PCDH15: variants seen among roughly 807,000 people sequenced by gnomAD.
The protein encoded by PCDH15 is protocadherin-15.
Under a neutral mutation model 178.5 loss-of-function variants are expected in PCDH15, and 129 were observed. That is an observed-to-expected ratio of 0.72 (90% CI 0.63 to 0.84). PCDH15 has a LOEUF of 0.84. Among genes scored for constraint, PCDH15 ranks in the 40% least tolerant of loss-of-function variants. The pLI is 0.00. For synonymous variants in PCDH15, 800 were observed against 732.0 expected (o/e 1.09, Z -1.50); for missense variants, 2,230 against 2,099.9 (o/e 1.06, Z -1.21).
chr10:55,429,601 G>T (rs527831518), intron 2 of PCDH15, among the ~76,000 whole-genome samples: 1 of 152,188 alleles, frequency 6.6e-6, no homozygotes, highest in East Asian at 1.9e-4. Context: ...ACTGCAATAT[G>T]GCTAAATAGG....
chr10:55,068,007 A>G (rs913200743), intron 2 of PCDH15, among the ~76,000 whole-genome samples: 2 of 152,002 alleles, frequency 1.3e-5, no homozygotes, highest in Non-Finnish European at 2.9e-5. Context: ...TAAAATAGGT[A>G]GTTTCAAAAT....
chr10:55,402,409 A>C (rs756057465), intron 2 of PCDH15, among the ~76,000 whole-genome samples: 2 of 151,976 alleles, frequency 1.3e-5, no homozygotes, highest in African/African-American at 4.8e-5. Flanking sequence ...TGAAACATAC[A>C]ATATGTTGTT....
At chr10:54,367,158 A>G (rs1218109554) in intron 5 of PCDH15, among the ~76,000 whole-genome samples, 1 of 152,054 alleles carries the variant, frequency 6.6e-6, no homozygotes, top group Non-Finnish European at 1.5e-5. Flanking sequence ...AGAAAGGGAG[A>G]TATTTATGAG....
intron 1 of PCDH15, among the ~76,000 whole-genome samples, chr10:55,174,565 C>A (rs1839427254): frequency 6.6e-6 from 1 of 152,162 alleles, no homozygotes; most frequent in Non-Finnish European, 1.5e-5. Context: ...GCATGATATT[C>A]CAAAGCTTTG....
At chr10:54,215,414 G>A (rs2051908308) in intron 9 of PCDH15, among the ~76,000 whole-genome samples, 2 of 152,110 alleles carry the variant, frequency 1.3e-5, no homozygotes, top group African/African-American at 4.8e-5. Context: ...CAAAATTATA[G>A]ATGAAATGCA....
At chr10:55,391,029 TTTGAAGCTTTCCAGCCAGGCA>T (rs1294126848) in intron 2 of PCDH15, among the ~76,000 whole-genome samples, 1 of 152,196 alleles carries the variant, frequency 6.6e-6, no homozygotes, top group African/African-American at 2.4e-5. Flanking sequence ...CAGCCTATCC[TTTGAAGCTTTCCAGCCAGGCA>T]TTGACTTCTC....
intron 23 of PCDH15, among the ~76,000 whole-genome samples, chr10:53,954,814 T>C (rs1318138040): frequency 6.6e-6 from 1 of 152,234 alleles, no homozygotes; most frequent in African/African-American, 2.4e-5. Context: ...ATTCTCTTGA[T>C]ATTTTAAGAA....
intron 28 of PCDH15, among the ~76,000 whole-genome samples, chr10:53,851,719 TA>T (rs1564611390): frequency 3.4e-4 from 33 of 96,362 alleles, no homozygotes; most frequent in Non-Finnish European, 6.9e-4. Flanking sequence ...TATATATATA[TA>T]TATTTACACA....
chr10:54,127,887 CT>C (rs1433105517), intron 15 of PCDH15, among the ~76,000 whole-genome samples: 1 of 152,068 alleles, frequency 6.6e-6, no homozygotes, highest in African/African-American at 2.4e-5. Flanking sequence ...GCAAAACTGT[CT>C]CATTTTAATT....
intron 2 of PCDH15, among the ~76,000 whole-genome samples, chr10:54,928,594 C>T (rs567304987): frequency 1.1e-4 from 17 of 152,242 alleles, no homozygotes; most frequent in Non-Finnish European, 2.1e-4. Flanking sequence ...TAGATTTGGT[C>T]TCTACATAAT....
intron 3 of PCDH15, among the ~76,000 whole-genome samples, chr10:54,524,052 G>T (rs1343391317): frequency 6.6e-6 from 1 of 152,122 alleles, no homozygotes; most frequent in Non-Finnish European, 1.5e-5. Flanking sequence ...GAACTTTGGT[G>T]CTTCCTCCCC....
chr10:55,084,865 T>C (rs184481424), intron 2 of PCDH15, among the ~76,000 whole-genome samples: 37 of 151,760 alleles, frequency 2.4e-4, no homozygotes, highest in African/African-American at 8.9e-4. Flanking sequence ...CAAATGAAAA[T>C]TACAAAGGTA....
chr10:54,631,375 G>A (rs914349448), intron 2 of PCDH15, among the ~76,000 whole-genome samples: 1 of 152,032 alleles, frequency 6.6e-6, no homozygotes, highest in Non-Finnish European at 1.5e-5. Flanking sequence ...CCAATGTCAG[G>A]TATTTATTTA....
chr10:53,839,065 G>A (rs759006619), intron 29 of PCDH15, among the ~76,000 whole-genome samples: 42 of 151,776 alleles, frequency 2.8e-4, no homozygotes, highest in Non-Finnish European at 4.3e-4. Flanking sequence ...TTAGCTGGGC[G>A]TGGTGGCGGG....
chr10:54,994,458 A>C (rs1839585014), intron 2 of PCDH15, among the ~76,000 whole-genome samples: 1 of 152,194 alleles, frequency 6.6e-6, no homozygotes, highest in Non-Finnish European at 1.5e-5. Flanking sequence ...TATATCTAGA[A>C]AATATAAAGT....
intron 2 of PCDH15, among the ~76,000 whole-genome samples, chr10:55,488,667 A>G (rs995424457): frequency 1.3e-5 from 2 of 151,604 alleles, no homozygotes; most frequent in Non-Finnish European, 3.0e-5. Context: ...AAGCTGAAAA[A>G]GAAACTTAGT....
intron 2 of PCDH15, among the ~76,000 whole-genome samples, chr10:55,505,552 T>C (rs1840742496): frequency 6.6e-6 from 1 of 151,268 alleles, no homozygotes; most frequent in Non-Finnish European, 1.5e-5. Context: ...ATAGACAATA[T>C]ATGGAAGGTA....
At chr10:54,993,890 A>T (rs1187000286) in intron 2 of PCDH15, among the ~76,000 whole-genome samples, 1 of 152,218 alleles carries the variant, frequency 6.6e-6, no homozygotes, top group East Asian at 1.9e-4. Flanking sequence ...AAAAAGTCAG[A>T]AATTATCATT....
At chr10:54,260,608 T>C (rs968922635) in intron 8 of PCDH15, among the ~76,000 whole-genome samples, 7 of 151,962 alleles carry the variant, frequency 4.6e-5, no homozygotes, top group African/African-American at 1.7e-4. Context: ...TGAGACAGAG[T>C]CTTGCTCTGT....
Sources: allele counts gnomAD v4.1 joint callset (sites outside exome capture counted in the v4.1 genomes callset), GRCh38; gene constraint gnomAD v4.1.1; transcripts MANE v1.5; gene names NCBI Gene and HGNC (gene_info 2026-07-23, HGNC 2026-07-21).